Variants in RGS7 observed in about 807,000 individuals in gnomAD.
The protein encoded by RGS7 is regulator of G-protein signaling 7.
RGS7 carries 27 observed loss-of-function variants against 81.1 expected under a neutral mutation model. The observed-to-expected ratio is 0.33, with a 90% CI of 0.25 to 0.46. The LOEUF (loss-of-function observed/expected upper bound fraction) is 0.46. Ranked by LOEUF, RGS7 falls within the 20% of genes least tolerant of loss-of-function variation. The probability of loss-of-function intolerance (pLI) is 1.00; values close to 1 mark genes in which losing one functional copy is unlikely to be tolerated. For missense variants in RGS7, 396 were observed against 607.4 expected, an observed-to-expected ratio of 0.65 and a Z score of 3.66; for synonymous variants, 208 against 207.7, an observed-to-expected ratio of 1.00 and a Z score of -0.01.
intron 9 of RGS7, among the ~76,000 whole-genome samples, chr1:240,851,463 C>T (rs992411161): frequency 6.6e-6 from 1 of 152,176 alleles, no homozygotes; most frequent in African/African-American, 2.4e-5. Context: ...TGGAGATGTA[C>T]AAGGAGATAA....
intron 6 of RGS7, among the ~76,000 whole-genome samples, chr1:240,900,917 C>T (rs1180990407): frequency 2.0e-5 from 3 of 152,190 alleles, no homozygotes; most frequent in African/African-American, 7.2e-5. Context: ...GCAGGCAGGC[C>T]TTCTTGAGCT....
intron 2 of RGS7, among the ~76,000 whole-genome samples, chr1:241,123,485 T>C (rs1433839231): frequency 6.6e-6 from 1 of 152,202 alleles, no homozygotes; most frequent in East Asian, 1.9e-4. Flanking sequence ...ACACGGTGGC[T>C]CACGCCTGTA....
intron 2 of RGS7, among the ~76,000 whole-genome samples, chr1:241,112,535 G>C (rs1158282752): frequency 6.6e-6 from 1 of 152,170 alleles, no homozygotes; most frequent in East Asian, 1.9e-4. Context: ...ATTTATTTCA[G>C]GTGTACACAC....
At chr1:241,293,603 A>T (rs2079213834) in intron 2 of RGS7, among the ~76,000 whole-genome samples, 1 of 152,206 alleles carries the variant, frequency 6.6e-6, no homozygotes, top group Non-Finnish European at 1.5e-5. Context: ...AGTAAAAAAA[A>T]TTAAAGCACA....
chr1:241,110,857 G>T (rs1000487181), intron 2 of RGS7, among the ~76,000 whole-genome samples: 1 of 151,734 alleles, frequency 6.6e-6, no homozygotes, highest in African/African-American at 2.4e-5. Flanking sequence ...GCTAATTTTT[G>T]TATTTTTAGT....
chr1:240,776,090 T>C lies in RGS7; in HGVS notation c.*130A>G. The C allele has an allele frequency of 1.8e-6, 2 of 1,139,810 alleles. No individual in the cohort carries two copies. The highest frequency in any genetic ancestry group is 1.5e-5 in the African/African-American group (1 of 65,764). The allele number at this position is 1,139,810 out of a possible 1,614,324, so 70.6% of individuals were successfully genotyped here. A position where few individuals can be genotyped will look rare whatever the true frequency, so the allele number is the denominator to read the frequency against. On this transcript the variant is annotated 3_prime_UTR_variant, in exon 19 of 19. Coordinates refer to ENST00000440928, the MANE Select transcript of RGS7 (RefSeq NM_001364886.1). Reference sequence around the variant, plus strand: ...AACATCTTGTTCTAATGTCCTCTGCTCCAGGTCACAACATTGAGCTACAAA... The same window carrying C: ...AACATCTTGTTCTAATGTCCTCTGCCCCAGGTCACAACATTGAGCTACAAA...
intron 2 of RGS7, among the ~76,000 whole-genome samples, chr1:241,128,337 A>G (rs1445624796): frequency 1.3e-5 from 2 of 151,274 alleles, no homozygotes; most frequent in African/African-American, 4.9e-5. Context: ...TAATCCCAGC[A>G]CTTTGGGAGG....
chr1:240,816,978 T>C (rs1020612178), intron 10 of RGS7, among the ~76,000 whole-genome samples: 10 of 152,186 alleles, frequency 6.6e-5, no homozygotes, highest in Non-Finnish European at 1.0e-4. Flanking sequence ...AGCCTTGCCA[T>C]TGGGTGCCAT....
intron 18 of RGS7, among the ~76,000 whole-genome samples, chr1:240,794,517 G>A (rs1451343792): frequency 6.6e-6 from 1 of 152,182 alleles, no homozygotes; most frequent in Non-Finnish European, 1.5e-5. Context: ...AAGTTTATAT[G>A]TTTTCTTTTT....
chr1:241,175,562 G>A (rs2071070916), intron 2 of RGS7, among the ~76,000 whole-genome samples: 1 of 152,190 alleles, frequency 6.6e-6, no homozygotes, highest in Admixed American at 6.5e-5. Flanking sequence ...AAGGGAAGTG[G>A]ACATCTGTGT....
intron 6 of RGS7, among the ~76,000 whole-genome samples, chr1:240,889,977 CAG>C (rs1201595043): frequency 3.3e-5 from 5 of 152,098 alleles, no homozygotes; most frequent in African/African-American, 1.2e-4. Context: ...AATTATCTCT[CAG>C]AGTTTCCACC....
rs372322675 is a variant in RGS7, at chr1:241,089,851, A to G, written c.175+8815T>C. Among the ~76,000 whole-genome samples the G allele has an allele frequency of 3.8e-3, 584 of 151,998 alleles. 2 individuals carry two copies. Among genetic ancestry groups the G allele is most frequent in the African/African-American group, 0.013 (540 of 41,450 alleles). On this transcript the variant is annotated intron_variant, in intron 3 of 18. Transcript: ENST00000440928. ...AAACCCCGTCTCTACTAAAAATACAAAAAAATTAGCCGGGCGCCTGTAGTC... is the reference window on the plus strand; with the variant it reads ...AAACCCCGTCTCTACTAAAAATACAGAAAAATTAGCCGGGCGCCTGTAGTC...
chr1:241,203,911 C>T (rs557609265), intron 2 of RGS7, among the ~76,000 whole-genome samples: 12 of 152,226 alleles, frequency 7.9e-5, no homozygotes, highest in African/African-American at 2.9e-4. Flanking sequence ...CATGCACAGT[C>T]CAGACAAGGA....
chr1:240,962,148 G>A (rs1437220981), intron 4 of RGS7, among the ~76,000 whole-genome samples: 2 of 152,048 alleles, frequency 1.3e-5, no homozygotes, highest in Non-Finnish European at 2.9e-5. Context: ...GAAGTCTACT[G>A]AATCTGTTCT....
chr1:240,891,647 T>C (rs1311099670), intron 6 of RGS7, among the ~76,000 whole-genome samples: 3 of 152,236 alleles, frequency 2.0e-5, no homozygotes. Context: ...GATAGAGATA[T>C]ATAATTCAGA....
chr1:241,029,653 C>G (rs988791559), intron 3 of RGS7, among the ~76,000 whole-genome samples: 1 of 152,186 alleles, frequency 6.6e-6, no homozygotes, highest in Non-Finnish European at 1.5e-5. Context: ...TTACCATCAG[C>G]TTTCTCAGCA....
intron 2 of RGS7, among the ~76,000 whole-genome samples, chr1:241,150,924 T>C (rs1381543461): frequency 6.6e-6 from 1 of 152,162 alleles, no homozygotes; most frequent in Non-Finnish European, 1.5e-5. Context: ...TTGCAAGCCC[T>C]GGAGTCCAAA....
In RGS7 at chr1:241,164,620, CT is replaced by C. The variant is rs1282091750; in HGVS notation, c.79-65859del. On this transcript the variant is annotated intron_variant, in intron 2 of 18. Coordinates refer to ENST00000440928, the MANE Select transcript of RGS7 (RefSeq NM_001364886.1). The surrounding 1 kb of genome is among the most constrained non-coding windows in gnomAD (Gnocchi z 4.1). ...AACTAGATAGGCCAGGTCTGGCAGA[CT>C]GTTGCTAGCTTTACCTCATCTTTCA... Among the ~76,000 whole-genome samples, 1 of 152,290 alleles carries C rather than the reference CT, an allele frequency of 6.6e-6. No individual in the cohort carries two copies. Among genetic ancestry groups the C allele is most frequent in the East Asian group, 1.9e-4 (1 of 5,180 alleles).
At position 241,282,354 on chromosome 1, in the gene RGS7, G is replaced by A. The variant is rs145086165; in HGVS notation, c.78+73345C>T. On this transcript the variant is annotated intron_variant, in intron 2 of 18. Coordinates refer to ENST00000440928, the MANE Select transcript of RGS7 (RefSeq NM_001364886.1). ...TAAGTGGTATGTATCTTTAATTTTG[G>A]TGTCCTCACATTCATTACTATAATA... Among the ~76,000 whole-genome samples, 352 of 152,228 alleles carry A rather than the reference G, an allele frequency of 2.3e-3. 5 individuals carry two copies. Among genetic ancestry groups the A allele is most frequent in the African/African-American group, 8.1e-3 (335 of 41,544 alleles).
Sources: gnomAD v4.1 joint callset for allele counts (sites outside exome capture counted in the v4.1 genomes callset) on GRCh38, gnomAD v4.1.1 for gene constraint, Gnocchi (gnomAD v3.1) non-coding constraint, MANE v1.5 for transcripts, NCBI Gene and HGNC (gene_info 2026-07-23, HGNC 2026-07-21) for gene names.